IFNLR1: variants seen among roughly 807,000 people sequenced by gnomAD.
IFNLR1 encodes interferon lambda receptor 1, also known as CRF2-12.
A neutral mutation model predicts 52.5 loss-of-function variants in IFNLR1; 28 were observed. That is an observed-to-expected ratio of 0.53 (90% CI 0.40 to 0.73). IFNLR1 has a LOEUF of 0.73. IFNLR1 is among the 30% of genes least tolerant of loss of function. The pLI, the probability that IFNLR1 is intolerant of heterozygous loss-of-function variation, is 0.00. For synonymous variants in IFNLR1, 276 were observed against 274.9 expected, an observed-to-expected ratio of 1.00 and a Z score of -0.04; for missense variants, 623 against 659.1, an observed-to-expected ratio of 0.95 and a Z score of 0.60.
At chr1:24,164,693 C>A (rs1199331272) in intron 3 of IFNLR1, among the ~76,000 whole-genome samples, 2 of 151,718 alleles carry the variant, frequency 1.3e-5, no homozygotes, top group African/African-American at 2.4e-5. Flanking sequence ...GATCTTTTAT[C>A]TTCCTGAAGT....
Position 24,169,398 on chromosome 1 carries a change from C to T in IFNLR1, c.367+19G>A, listed in dbSNP as rs573198064. 1.9e-6 allele frequency: 3 copies of T among 1,608,200 alleles called. No individual in the cohort carries two copies. The East Asian group carries it at 6.7e-5, about 36-fold the overall frequency. On this transcript the variant is annotated intron_variant, in intron 3 of 6. Coordinates refer to ENST00000327535, the MANE Select transcript of IFNLR1 (RefSeq NM_170743.4). ...TGGGATGGACAGCCTTCCACTCAGT[C>T]CCTTACCCACAGACCTACCTTCAAA...
intron 1 of IFNLR1, among the ~76,000 whole-genome samples, chr1:24,182,163 G>A (rs1157755467): frequency 2.0e-5 from 3 of 149,828 alleles, no homozygotes; most frequent in Admixed American, 6.7e-5. Context: ...TTGTGCCACT[G>A]CATTCCAGCC....
intron 1 of IFNLR1, among the ~76,000 whole-genome samples, 194 bp from the exon 2 acceptor site, chr1:24,181,048 A>T (rs532958149): frequency 4.6e-4 from 70 of 152,112 alleles, no homozygotes; most frequent in African/African-American, 1.7e-3. Flanking sequence ...GCTCCTGCAC[A>T]CTCTGGGACC....
intron 5 of IFNLR1, 53 bp from the exon 6 acceptor site, chr1:24,159,235 C>T: frequency 6.2e-7 from 1 of 1,602,812 alleles, no homozygotes; most frequent in Non-Finnish European, 8.5e-7. Context: ...TTGTCTACAA[C>T]TGCACCTGTG....
chr1:24,169,292 G>A, intron 3 of IFNLR1, 125 bp downstream of exon 3: 1 of 859,936 alleles, frequency 1.2e-6, no homozygotes, highest in South Asian at 1.8e-5. Flanking sequence ...CCTGGCCCAG[G>A]GAGCTGCCCT....
intron 3 of IFNLR1, 147 bp from the exon 4 acceptor site, chr1:24,161,831 T>C: frequency 1.3e-6 from 1 of 772,588 alleles, no homozygotes; most frequent in Non-Finnish European, 2.0e-6. Context: ...AATCTGTTAT[T>C]TCAGCCTTGC....
intron 1 of IFNLR1, among the ~76,000 whole-genome samples, chr1:24,184,502 G>GCT (rs1189590154): frequency 1.3e-5 from 2 of 152,114 alleles, no homozygotes; most frequent in Non-Finnish European, 2.9e-5. Flanking sequence ...CCGTCTTGCT[G>GCT]CTCTCTCCCC....
chr1:24,170,299 A>C (rs1352858479), intron 2 of IFNLR1, among the ~76,000 whole-genome samples: 1 of 152,228 alleles, frequency 6.6e-6, no homozygotes, highest in Admixed American at 6.5e-5. Flanking sequence ...CACCATTCTA[A>C]GGTATTTTGT....
intron 2 of IFNLR1, among the ~76,000 whole-genome samples, chr1:24,177,090 C>CA (rs1450977357): frequency 1.3e-5 from 2 of 152,120 alleles, no homozygotes; most frequent in Non-Finnish European, 1.5e-5. Context: ...CTAAAAATAT[C>CA]AACTCAGAAT....
intron 2 of IFNLR1, among the ~76,000 whole-genome samples, chr1:24,173,662 T>C (rs1644603630): frequency 6.6e-6 from 1 of 151,068 alleles, no homozygotes. Context: ...TCTCTCTTTT[T>C]TTTAGAGACA....
At chr1:24,178,096 C>A (rs1372109588) in intron 2 of IFNLR1, among the ~76,000 whole-genome samples, 1 of 152,028 alleles carries the variant, frequency 6.6e-6, no homozygotes, top group African/African-American at 2.4e-5. Context: ...ACCAGCCTGG[C>A]CAACATGGTG....
chr1:24,159,726 G>GTTTTGTTTTTTTTGTCTTT, intron 4 of IFNLR1, 93 bp from the exon 5 acceptor site: 1 of 761,910 alleles, frequency 1.3e-6, no homozygotes, highest in Non-Finnish European at 2.0e-6. Context: ...ATGGTAGGGT[G>GTTTTGTTTTTTTTGTCTTT]TTTTTTTTTT....
chr1:24,170,755 A>T (rs1213199764), intron 2 of IFNLR1, among the ~76,000 whole-genome samples: 1 of 152,240 alleles, frequency 6.6e-6, no homozygotes. Flanking sequence ...AAAGGGCTGG[A>T]TTCAATATCT....
intron 2 of IFNLR1, among the ~76,000 whole-genome samples, chr1:24,175,529 G>A (rs145084321): frequency 6.6e-6 from 1 of 152,182 alleles, no homozygotes; most frequent in Non-Finnish European, 1.5e-5. Flanking sequence ...GGTTTCACAG[G>A]TTCATAAGTG....
At chr1:24,161,729 A>G in intron 3 of IFNLR1, 45 bp from the exon 4 acceptor site, 6 of 1,448,884 alleles carry the variant, frequency 4.1e-6, no homozygotes, top group South Asian at 3.0e-5. Context: ...GAGGGGCCGC[A>G]CTGCCTCCAT....
chr1:24,167,758 G>C (rs531782501), intron 3 of IFNLR1, among the ~76,000 whole-genome samples: 4 of 151,928 alleles, frequency 2.6e-5, no homozygotes, highest in Non-Finnish European at 5.9e-5. Context: ...GCAGTGGCAC[G>C]ATCTCAGCTC....
chr1:24,160,743 T>C (rs1331414623), intron 4 of IFNLR1, among the ~76,000 whole-genome samples: 1 of 152,180 alleles, frequency 6.6e-6, no homozygotes, highest in African/African-American at 2.4e-5. Flanking sequence ...TTTTTGTTTT[T>C]TTTGAGACAA....
chr1:24,182,918 C>CAAATAAATAAATAAAT (rs373444078), intron 1 of IFNLR1, among the ~76,000 whole-genome samples: 532 of 150,198 alleles, frequency 3.5e-3, no homozygotes, highest in East Asian at 0.016. Context: ...GACTCCATCT[C>CAAATAAATAAATAAAT]AAATAAATAA....
intron 2 of IFNLR1, among the ~76,000 whole-genome samples, chr1:24,175,574 C>T (rs1000073414): frequency 7.2e-5 from 11 of 152,198 alleles, no homozygotes; most frequent in African/African-American, 2.7e-4. Flanking sequence ...GTAACACCTC[C>T]AGTCACACCC....
Sources: allele counts gnomAD v4.1 joint callset (sites outside exome capture counted in the v4.1 genomes callset), GRCh38; gene constraint gnomAD v4.1.1; transcripts MANE v1.5; gene names NCBI Gene and HGNC (gene_info 2026-07-23, HGNC 2026-07-21).